The following LPIN2 variants were observed in gnomAD, a reference collection of about 807,000 sequenced individuals.
LPIN2 encodes the protein lipin 2.
A neutral mutation model predicts 111.4 loss-of-function variants in LPIN2; 55 were observed. The observed-to-expected ratio is 0.49, with a 90% CI of 0.40 to 0.62. The LOEUF (loss-of-function observed/expected upper bound fraction) is 0.62, where lower values mean the gene tolerates loss of function less well. Among genes scored for constraint, LPIN2 ranks in the 20% least tolerant of loss-of-function variants. LPIN2 has a pLI of 0.00. For missense variants in LPIN2, 992 were observed against 1,112.1 expected (o/e 0.89, Z 1.54); for synonymous variants, 425 against 414.0 (o/e 1.03, Z -0.32).
At chr18:2,943,458 G>GTGTGTGTGTGTGTGTT (rs55747910) in intron 4 of LPIN2, among the ~76,000 whole-genome samples, 15 of 146,306 alleles carry the variant, frequency 1.0e-4, no homozygotes, top group South Asian at 4.3e-4. Flanking sequence ...GTGTGTGTGT[G>GTGTGTGTGTGTGTGTT]TATAAATCAA....
At chr18:2,921,682 A>C in intron 17 of LPIN2, 35 bp from the exon 18 acceptor site, 307 of 1,462,194 alleles carry the variant, frequency 2.1e-4, no homozygotes, top group Non-Finnish European at 2.8e-4. Flanking sequence ...CACCAATCTC[A>C]AAATGGTCGT....
At position 2,929,084 on chromosome 18, in the gene LPIN2, C is replaced by A. The variant is rs1194043952; in HGVS notation, c.1531G>T (p.Val511Leu). The part of the protein sequence containing the change: ...NPGLIDNPNL[V>L]IRIYNRYYNW... ...ATTTACCGATTATATATCCTTATTA[C>A]AAGGTTAGGATTGTCTATAAGTCCA... Residue 511 changes from valine to leucine, a missense_variant, in exon 10 of 20, where the codon GTA (valine) becomes TTA (leucine). Physicochemically the swap from Val to Leu is conservative, Grantham distance 32 (BLOSUM62 1). Coordinates refer to ENST00000677752, the MANE Select transcript of LPIN2 (RefSeq NM_001375808.2). 6.3e-7 allele frequency: 1 copy of A among 1,591,284 alleles called. No homozygotes were observed. Among genetic ancestry groups the A allele is most frequent in the Admixed American group, 1.7e-5 (1 of 59,976 alleles).
chr18:2,948,823 T>C (rs1414842456), intron 4 of LPIN2, among the ~76,000 whole-genome samples: 1 of 152,058 alleles, frequency 6.6e-6, no homozygotes, highest in Non-Finnish European at 1.5e-5. Context: ...AATTTTTTTT[T>C]TTTTTTTAAA....
intron 4 of LPIN2, among the ~76,000 whole-genome samples, chr18:2,941,216 C>T (rs2077363222): frequency 6.6e-6 from 1 of 152,160 alleles, no homozygotes; most frequent in African/African-American, 2.4e-5. Context: ...CAAACAAGAT[C>T]TATGGCTCAA....
chr18:2,923,345 G>A (rs2077083015), intron 16 of LPIN2, among the ~76,000 whole-genome samples: 1 of 141,734 alleles, frequency 7.1e-6, no homozygotes, highest in African/African-American at 2.6e-5. Flanking sequence ...ACTTGAACCC[G>A]GGAGGCGGAG....
chr18:2,924,616 G>T (rs1048520575), intron 14 of LPIN2, 70 bp from the exon 15 acceptor site: 9 of 1,515,060 alleles, frequency 5.9e-6, no homozygotes, highest in Non-Finnish European at 8.2e-6. Context: ...AAAATTTACA[G>T]AACAACTGGT....
chr18:2,918,879 A>G lies in LPIN2; in HGVS notation c.*1414T>C, dbSNP rs1598514673. 6.6e-6 allele frequency: 1 copy of G among 152,268 alleles called. No individual in the cohort carries two copies. Among genetic ancestry groups the G allele is most frequent in the African/African-American group, 2.4e-5 (1 of 41,528 alleles). The allele number at this position is 152,268 out of a possible 1,614,324, so 9.4% of individuals were successfully genotyped here. Reference sequence around the variant, plus strand: ...AGGGGCATGAAGAGTTGGCCACGAGACCACCCCGAGCGCCAAGCCTGTATC... The same window carrying G: ...AGGGGCATGAAGAGTTGGCCACGAGGCCACCCCGAGCGCCAAGCCTGTATC... On this transcript the variant is annotated 3_prime_UTR_variant, in exon 20 of 20. Transcript: ENST00000677752.
chr18:2,993,086 A>G (rs1020362753), intron 1 of LPIN2, among the ~76,000 whole-genome samples: 4 of 152,124 alleles, frequency 2.6e-5, no homozygotes, highest in South Asian at 2.1e-4. Flanking sequence ...TTGAGTGTGC[A>G]GTAAGCCATG....
At chr18:3,001,542 G>A (rs552767667) in intron 1 of LPIN2, among the ~76,000 whole-genome samples, 47 of 152,222 alleles carry the variant, frequency 3.1e-4, no homozygotes, top group Admixed American at 9.2e-4. Context: ...AGAATTGTGC[G>A]TGTGAGAGGA....
chr18:2,955,161 G>C (rs2077590172), intron 2 of LPIN2, among the ~76,000 whole-genome samples: 2 of 152,202 alleles, frequency 1.3e-5, no homozygotes, highest in African/African-American at 4.8e-5. Flanking sequence ...AAAAAATTCA[G>C]GTAGACATAT....
intron 8 of LPIN2, among the ~76,000 whole-genome samples, chr18:2,933,168 T>C (rs2077236442): frequency 6.6e-6 from 1 of 152,266 alleles, no homozygotes; most frequent in South Asian, 2.1e-4. Flanking sequence ...TCACTATCTT[T>C]AAATATTTAT....
chr18:2,928,756 T>C (rs1324806730), intron 10 of LPIN2, 96 bp from the exon 11 acceptor site: 4 of 890,520 alleles, frequency 4.5e-6, no homozygotes, highest in Non-Finnish European at 7.4e-6. Context: ...GGAAGTGACA[T>C]ATAAAATTGC....
intron 13 of LPIN2, among the ~76,000 whole-genome samples, chr18:2,926,085 A>G (rs1361724424): frequency 6.6e-6 from 1 of 152,202 alleles, no homozygotes; most frequent in East Asian, 1.9e-4. Context: ...TGATTATGCC[A>G]TTGCACCCCA....
chr18:2,928,565 A>C (rs2144148135), intron 11 of LPIN2, 26 bp downstream of exon 11: 1 of 1,612,260 alleles, frequency 6.2e-7, no homozygotes, highest in East Asian at 2.2e-5. Flanking sequence ...GCTTTCGGAA[A>C]GGCAGCAGAT....
intron 19 of LPIN2, 97 bp from the exon 20 acceptor site, chr18:2,920,534 G>C (rs2077038071): frequency 7.3e-7 from 1 of 1,368,284 alleles, no homozygotes; most frequent in Admixed American, 1.8e-5. Flanking sequence ...AGATTGCTCA[G>C]GTGGGCAGGT....
intron 1 of LPIN2, among the ~76,000 whole-genome samples, chr18:2,988,949 G>T (rs672730): frequency 0.91 from 139,184 of 152,268 alleles, 64,439 homozygotes; most frequent in East Asian, 1. Flanking sequence ...TATTCAATTT[G>T]AAAAAGTATA....
At chr18:3,010,077 G>C (rs1198674889) in intron 1 of LPIN2, among the ~76,000 whole-genome samples, 1 of 152,148 alleles carries the variant, frequency 6.6e-6, no homozygotes, top group East Asian at 1.9e-4. Context: ...CAGGATTCTG[G>C]CCATTCCCCA....
intron 8 of LPIN2, among the ~76,000 whole-genome samples, chr18:2,933,777 G>A (rs973144970): frequency 5.9e-5 from 9 of 152,046 alleles, no homozygotes; most frequent in African/African-American, 2.2e-4. Context: ...GGCAGTCCAA[G>A]TGTATCATAT....
At chr18:2,921,302 G>A in intron 18 of LPIN2, 1 of 600,464 alleles carries the variant, frequency 1.7e-6, no homozygotes, top group Non-Finnish European at 2.9e-6. Context: ...GGCAGCCACA[G>A]AAACGATGGA....
Sources: gnomAD v4.1 joint callset for allele counts (sites outside exome capture counted in the v4.1 genomes callset) on GRCh38, gnomAD v4.1.1 for gene constraint, MANE v1.5 for transcripts, NCBI Gene and HGNC (gene_info 2026-07-23, HGNC 2026-07-21) for gene names.